NR4A1: variants seen among roughly 807,000 people sequenced by gnomAD.
NR4A1 encodes nuclear receptor subfamily 4 group A member 1.
In NR4A1, 24 loss-of-function variants were observed where a neutral mutation model predicts 47.5. The observed-to-expected ratio is 0.50, with a 90% CI of 0.37 to 0.71. NR4A1 has a LOEUF of 0.71. NR4A1 is among the 30% of genes least tolerant of loss of function. NR4A1 has a pLI of 0.00. For missense variants in NR4A1, 669 were observed against 788.6 expected, an observed-to-expected ratio of 0.85 and a Z score of 1.82; for synonymous variants, 353 against 345.7, an observed-to-expected ratio of 1.02 and a Z score of -0.24.
upstream of NR4A1, among the ~76,000 whole-genome samples, chr12:52,050,188 G>A (rs1938852558): frequency 6.6e-6 from 1 of 152,208 alleles, no homozygotes; most frequent in African/African-American, 2.4e-5. Context: ...CCAAACCAGG[G>A]AAGGCTCCAG....
intron 1 of NR4A1, chr12:52,052,639 G>A (rs1939044785): frequency 2.0e-6 from 2 of 985,586 alleles, no homozygotes; most frequent in African/African-American, 1.7e-5. Context: ...CTCCTGTGAG[G>A]CTAGATGTAG....
chr12:52,045,974 C>G (rs924509388), intron 2 of NR4A1, among the ~76,000 whole-genome samples: 3 of 152,190 alleles, frequency 2.0e-5, no homozygotes, highest in Non-Finnish European at 4.4e-5. Flanking sequence ...CGGGTCAGGG[C>G]TGGCAATAGG....
At chr12:52,038,626 A>G (rs533720017) in intron 1 of NR4A1, 2 of 711,348 alleles carry the variant, frequency 2.8e-6, no homozygotes, top group Non-Finnish European at 5.1e-6. Flanking sequence ...ATCTACTCCA[A>G]GTGAACATTT....
chr12:52,044,460 T>G (rs926232545), intron 2 of NR4A1, among the ~76,000 whole-genome samples: 1 of 152,086 alleles, frequency 6.6e-6, no homozygotes, highest in Non-Finnish European at 1.5e-5. Context: ...ACAAACACGC[T>G]CCGGGACCTG....
chr12:52,037,550 T>G (rs1938280737), intron 1 of NR4A1: 1 of 979,794 alleles, frequency 1.0e-6, no homozygotes, highest in Non-Finnish European at 1.2e-6. Flanking sequence ...GGAGTCCCGC[T>G]TGGAAACTGG....
intron 1 of NR4A1, among the ~76,000 whole-genome samples, chr12:52,039,628 TC>T (rs1232408842): frequency 1.3e-5 from 2 of 152,228 alleles, no homozygotes; most frequent in Non-Finnish European, 2.9e-5. Context: ...CCACCACCCT[TC>T]CACGCACACT....
chr12:52,041,736 C>T (rs1592287630), intron 1 of NR4A1: 2 of 1,250,262 alleles, frequency 1.6e-6, no homozygotes, highest in African/African-American at 3.1e-5. Flanking sequence ...TCCTGCGTGT[C>T]CTGGGCATGC....
intron 1 of NR4A1, chr12:52,038,817 C>T: frequency 1.3e-6 from 1 of 742,004 alleles, no homozygotes; most frequent in South Asian, 1.4e-5. Flanking sequence ...GTGCTGAGGC[C>T]TCTGCTGGAC....
intron 5 of NR4A1, 34 bp downstream of exon 5, chr12:52,057,293 C>CCCTGATACACCTG (rs1460552927): frequency 2.5e-6 from 4 of 1,613,628 alleles, no homozygotes; most frequent in Non-Finnish European, 3.4e-6. Flanking sequence ...CAGCCCCTTT[C>CCCTGATACACCTG]CCTGATACAC....
At chr12:52,047,390 C>G (rs1417344765), upstream of NR4A1, among the ~76,000 whole-genome samples, 1 of 152,244 alleles carries the variant, frequency 6.6e-6, no homozygotes, top group East Asian at 1.9e-4. Context: ...GCCTGGGATC[C>G]CCAAGCCCCT....
At chr12:52,058,562 G>A in intron 6 of NR4A1, 126 bp from the exon 7 acceptor site, 5 of 1,256,784 alleles carry the variant, frequency 4.0e-6, no homozygotes, top group Middle Eastern at 2.8e-4. Context: ...ATGTGAATGC[G>A]CTTTTGTGAA....
intron 6 of NR4A1, among the ~76,000 whole-genome samples, 183 bp downstream of exon 6, chr12:52,057,713 T>C (rs1372298375): frequency 6.6e-6 from 1 of 152,236 alleles, no homozygotes; most frequent in African/African-American, 2.4e-5. Context: ...TGGGCTCAGC[T>C]GCATCCAGCT....
In NR4A1 at chr12:52,054,502, C is replaced by T. The variant is rs774267356; in HGVS notation, c.174C>T (p.Asp58=). 42 of 1,613,838 alleles carry T rather than the reference C, an allele frequency of 2.6e-5. 1 individual carries two copies. Among genetic ancestry groups the T allele is most frequent in the Admixed American group, 3.3e-5 (2 of 60,008 alleles). ...TGCCCAGCTTCAGCACCTTCATGGACGGCTACACAGGAGAGTTTGACACCT... is the reference window on the plus strand; with the variant it reads ...TGCCCAGCTTCAGCACCTTCATGGATGGCTACACAGGAGAGTTTGACACCT... ...TALPSFSTFM[D]GYTGEFDTFL... The change falls in exon 2 of 7, where the codon GAC becomes GAT. Residue 58 remains aspartate, a synonymous_variant. Coordinates refer to ENST00000394825, the MANE Select transcript of NR4A1 (RefSeq NM_173157.3).
intron 1 of NR4A1, among the ~76,000 whole-genome samples, chr12:52,025,831 C>A (rs1565636547): frequency 6.6e-6 from 1 of 152,206 alleles, no homozygotes; most frequent in African/African-American, 2.4e-5. Flanking sequence ...CTGTTACCAG[C>A]AGAGGGCACC....
chr12:52,044,616 C>A (rs1488121184), intron 2 of NR4A1, among the ~76,000 whole-genome samples: 1 of 152,238 alleles, frequency 6.6e-6, no homozygotes, highest in Admixed American at 6.5e-5. Flanking sequence ...ACTAAAAATA[C>A]TTTAACAATA....
chr12:52,049,442 C>T (rs1938810040), upstream of NR4A1, among the ~76,000 whole-genome samples: 1 of 152,134 alleles, frequency 6.6e-6, no homozygotes, highest in Non-Finnish European at 1.5e-5. Flanking sequence ...GGAGTGGTCA[C>T]TGGGCGCAGG....
At chr12:52,037,357 C>T (rs1938272956) in intron 1 of NR4A1, 4 of 985,516 alleles carry the variant, frequency 4.1e-6, no homozygotes, top group Middle Eastern at 5.2e-4. Flanking sequence ...GGCATGGGCG[C>T]CCCTGCGGTG....
upstream of NR4A1, among the ~76,000 whole-genome samples, chr12:52,048,303 G>T (rs527547949): frequency 1.2e-4 from 18 of 150,110 alleles, 1 homozygote; most frequent in African/African-American, 4.2e-4. Context: ...ATTAAAATTG[G>T]TTTTATTTTG....
intron 1 of NR4A1, among the ~76,000 whole-genome samples, chr12:52,023,388 G>A (rs927511727): frequency 6.6e-6 from 1 of 152,214 alleles, no homozygotes; most frequent in African/African-American, 2.4e-5. Context: ...TGGGGTGGGA[G>A]CGCAGAGGGG....
Sources: gnomAD v4.1 joint callset for allele counts (sites outside exome capture counted in the v4.1 genomes callset) on GRCh38, gnomAD v4.1.1 for gene constraint, MANE v1.5 for transcripts, NCBI Gene and HGNC (gene_info 2026-07-23, HGNC 2026-07-21) for gene names.